Variants in CCDC91 observed in about 807,000 individuals in gnomAD.
CCDC91 encodes the protein coiled-coil domain-containing protein 91.
Under a neutral mutation model 63.2 loss-of-function variants are expected in CCDC91, and 48 were observed. That is an observed-to-expected ratio of 0.76 (90% CI 0.60 to 0.97). The LOEUF is 0.97. Ranked by LOEUF, CCDC91 falls within the 50% of genes least tolerant of loss-of-function variation. CCDC91 has a pLI of 0.00. For missense variants in CCDC91, 500 were observed against 494.6 expected, an observed-to-expected ratio of 1.01 and a Z score of -0.10; for synonymous variants, 167 against 165.8, an observed-to-expected ratio of 1.01 and a Z score of -0.06.
At chr12:28,349,447 G>A (rs892827180) in intron 6 of CCDC91, among the ~76,000 whole-genome samples, 8 of 152,270 alleles carry the variant, frequency 5.3e-5, no homozygotes, top group Middle Eastern at 3.4e-3. Flanking sequence ...TTTGAGCAGG[G>A]CTAGTTTTAT....
intron 8 of CCDC91, among the ~76,000 whole-genome samples, chr12:28,398,598 T>G (rs1297234648): frequency 3.3e-5 from 5 of 152,176 alleles, no homozygotes; most frequent in Non-Finnish European, 7.4e-5. Context: ...CAAAATTTTT[T>G]CCAAAGTTTT....
intron 12 of CCDC91, among the ~76,000 whole-genome samples, chr12:28,543,690 ATATCTCCC>A (rs764717956): frequency 6.6e-6 from 1 of 151,926 alleles, no homozygotes; most frequent in Non-Finnish European, 1.5e-5. Flanking sequence ...TCAAGGCCTG[ATATCTCCC>A]CTGAACTGCA....
intron 6 of CCDC91, among the ~76,000 whole-genome samples, chr12:28,341,153 A>G (rs1203231437): frequency 2.6e-5 from 4 of 151,996 alleles, no homozygotes; most frequent in Non-Finnish European, 5.9e-5. Context: ...CAGCCACTAC[A>G]TCTTCTTCTG....
chr12:28,251,728 C>T (rs1946128850), intron 1 of CCDC91, among the ~76,000 whole-genome samples: 2 of 152,076 alleles, frequency 1.3e-5, no homozygotes, highest in African/African-American at 4.8e-5. Context: ...TAAAATTACA[C>T]TCATGATGGT....
intron 7 of CCDC91, among the ~76,000 whole-genome samples, chr12:28,371,429 C>T (rs534453717): frequency 5.3e-5 from 8 of 152,238 alleles, no homozygotes; most frequent in Admixed American, 2.0e-4. Context: ...CCCTAGTCTG[C>T]GGAAAAATTG....
chr12:28,474,028 A>G (rs150518370), intron 11 of CCDC91, among the ~76,000 whole-genome samples: 1 of 151,786 alleles, frequency 6.6e-6, no homozygotes, highest in Non-Finnish European at 1.5e-5. Context: ...GTCTTGAAGG[A>G]TTTTAAATTT....
intron 1 of CCDC91, among the ~76,000 whole-genome samples, chr12:28,203,205 GA>G (rs1181266573): frequency 6.6e-6 from 1 of 152,150 alleles, no homozygotes; most frequent in Non-Finnish European, 1.5e-5. Flanking sequence ...TTTTCTTAAT[GA>G]AAATCAGCCA....
At chr12:28,514,787 C>A (rs1939758103) in intron 12 of CCDC91, among the ~76,000 whole-genome samples, 2 of 151,826 alleles carry the variant, frequency 1.3e-5, no homozygotes, top group African/African-American at 2.4e-5. Flanking sequence ...TGCCAAAGAT[C>A]AGATGGTTGT....
chr12:28,304,402 GAAA>G (rs57660180), intron 3 of CCDC91, among the ~76,000 whole-genome samples: 21 of 99,278 alleles, frequency 2.1e-4, no homozygotes, highest in East Asian at 1.2e-3. Flanking sequence ...AAAAAAAAAA[GAAA>G]AAAAAAAAAA....
At chr12:28,318,329 C>T (rs1354622825) in intron 6 of CCDC91, among the ~76,000 whole-genome samples, 1 of 151,194 alleles carries the variant, frequency 6.6e-6, no homozygotes, top group Non-Finnish European at 1.5e-5. Context: ...TCGAGACCAG[C>T]TTGGGCAACT....
intron 3 of CCDC91, among the ~76,000 whole-genome samples, chr12:28,277,104 A>G (rs190289072): frequency 6.6e-6 from 1 of 152,104 alleles, no homozygotes; most frequent in East Asian, 1.9e-4. Flanking sequence ...TTTCTCTGTA[A>G]GATCACGCAG....
At chr12:28,241,212 A>G (rs555254125) in intron 1 of CCDC91, among the ~76,000 whole-genome samples, 1 of 152,006 alleles carries the variant, frequency 6.6e-6, no homozygotes, top group African/African-American at 2.4e-5. Context: ...GAATGTCTCT[A>G]TCTTTTGTCT....
At chr12:28,368,499 T>C (rs1307190265) in intron 7 of CCDC91, among the ~76,000 whole-genome samples, 1 of 152,220 alleles carries the variant, frequency 6.6e-6, no homozygotes, top group African/African-American at 2.4e-5. Flanking sequence ...GCTTTCTCTA[T>C]GCAGTTGATA....
At chr12:28,442,154 A>G (rs1451661226) in intron 8 of CCDC91, among the ~76,000 whole-genome samples, 2 of 152,118 alleles carry the variant, frequency 1.3e-5, no homozygotes, top group Non-Finnish European at 2.9e-5. Flanking sequence ...ACCAACCACA[A>G]ACAAAAGAGG....
chr12:28,233,423 G>T (rs1294789920), intron 1 of CCDC91, among the ~76,000 whole-genome samples: 1 of 152,110 alleles, frequency 6.6e-6, no homozygotes, highest in South Asian at 2.1e-4. Flanking sequence ...TTTGAATAGT[G>T]TAGTGAAAAA....
intron 1 of CCDC91, among the ~76,000 whole-genome samples, chr12:28,205,390 A>T (rs1448338003): frequency 1.3e-5 from 2 of 152,180 alleles, no homozygotes; most frequent in Non-Finnish European, 2.9e-5. Context: ...TAAAGTCAGG[A>T]TGAGATGAAA....
intron 6 of CCDC91, among the ~76,000 whole-genome samples, chr12:28,355,427 ATGT>A (rs1346376496): frequency 6.6e-6 from 1 of 152,176 alleles, no homozygotes; most frequent in Non-Finnish European, 1.5e-5. Context: ...GGTAGAGGAC[ATGT>A]TGTGCTAATG....
intron 6 of CCDC91, among the ~76,000 whole-genome samples, chr12:28,323,071 A>T (rs1592306710): frequency 6.6e-6 from 1 of 151,236 alleles, no homozygotes; most frequent in South Asian, 2.1e-4. Context: ...ACATTTTATC[A>T]TATATTCTGG....
chr12:28,544,223 T>A (rs1016742812), intron 12 of CCDC91, among the ~76,000 whole-genome samples: 1 of 151,808 alleles, frequency 6.6e-6, no homozygotes, highest in Admixed American at 6.6e-5. Flanking sequence ...TTTGCTCCAA[T>A]CTTAATGGAT....
Sources: allele counts gnomAD v4.1 joint callset (sites outside exome capture counted in the v4.1 genomes callset), GRCh38; gene constraint gnomAD v4.1.1; transcripts MANE v1.5; gene names NCBI Gene and HGNC (gene_info 2026-07-23, HGNC 2026-07-21).